Variants in CPE observed in about 807,000 individuals in gnomAD.
CPE encodes carboxypeptidase E, also known as carbocypeptidase E.
A neutral mutation model predicts 53.5 loss-of-function variants in CPE; 17 were observed. That is an observed-to-expected ratio of 0.32 (90% CI 0.22 to 0.48). The LOEUF (loss-of-function observed/expected upper bound fraction) is 0.48, where lower values mean the gene tolerates loss of function less well. CPE is among the 20% of genes least tolerant of loss of function. The pLI, the probability that CPE is intolerant of heterozygous loss-of-function variation, is 0.99. For missense variants in CPE, 524 were observed against 614.7 expected, an observed-to-expected ratio of 0.85 and a Z score of 1.56; for synonymous variants, 226 against 228.8, an observed-to-expected ratio of 0.99 and a Z score of 0.11.
At position 165,422,434 on chromosome 4, in the gene CPE, T is replaced by C. The variant is rs181535156; in HGVS notation, c.308-41956T>C. ...GAAAGCAGGAAAAGAATTAAAGTTATGGCATTATCTCTGAGTAACCCTTTG... is the reference window on the plus strand; with the variant it reads ...GAAAGCAGGAAAAGAATTAAAGTTACGGCATTATCTCTGAGTAACCCTTTG... On this transcript the variant is annotated intron_variant, in intron 1 of 8. Transcript: ENST00000402744. 5.9e-5 allele frequency among the ~76,000 whole-genome samples: 9 copies of C among 152,330 alleles called. No individual in the cohort carries two copies. The East Asian group carries it at 1.7e-3, about 29-fold the overall frequency.
chr4:165,444,345 T>C (rs532162010), intron 1 of CPE, among the ~76,000 whole-genome samples: 2 of 152,074 alleles, frequency 1.3e-5, no homozygotes, highest in African/African-American at 2.4e-5. Flanking sequence ...TGGCAACACA[T>C]TTGGGTTTGA....
intron 3 of CPE, among the ~76,000 whole-genome samples, chr4:165,476,319 C>T (rs778915582): frequency 1.6e-4 from 24 of 152,268 alleles, no homozygotes; most frequent in Middle Eastern, 3.4e-3. Context: ...CCCTTTTCCC[C>T]TGATTCTTCC....
intron 1 of CPE, among the ~76,000 whole-genome samples, chr4:165,402,449 T>C (rs948002051): frequency 1.1e-4 from 17 of 152,220 alleles, no homozygotes; most frequent in Non-Finnish European, 2.5e-4. Context: ...CATGCTGAAA[T>C]GTAATGCCCA....
chr4:165,396,430 G>A lies in CPE; in HGVS notation c.307+16902G>A, dbSNP rs146056538. Among the ~76,000 whole-genome samples, 349 of 152,252 alleles carry A rather than the reference G, an allele frequency of 2.3e-3. 3 individuals carry two copies. The East Asian group carries it at 0.039, about 17-fold the overall frequency. ...CCCAGCACTTTAGGAGGCCAAGGCA[G>A]GCAGGTCACTTGAGACCAGGAGTTC... is the stretch of plus-strand genomic sequence containing the variant. On this transcript the variant is annotated intron_variant, in intron 1 of 8. Coordinates refer to ENST00000402744, the MANE Select transcript of CPE (RefSeq NM_001873.4).
At chr4:165,403,669 CTTT>C (rs368667229) in intron 1 of CPE, among the ~76,000 whole-genome samples, 6 of 132,484 alleles carry the variant, frequency 4.5e-5, no homozygotes, top group Admixed American at 1.5e-4. Context: ...TAATTTCATT[CTTT>C]TTTTTTTTTT....
chr4:165,468,185 C>G (rs1266590218), intron 3 of CPE, among the ~76,000 whole-genome samples: 1 of 152,170 alleles, frequency 6.6e-6, no homozygotes, highest in Non-Finnish European at 1.5e-5. Flanking sequence ...CTCCTTTTCT[C>G]TTTTCCAGAA....
At chr4:165,470,339 C>G (rs1039514896) in intron 3 of CPE, among the ~76,000 whole-genome samples, 3 of 152,154 alleles carry the variant, frequency 2.0e-5, no homozygotes, top group African/African-American at 7.2e-5. Context: ...TGTCCACATG[C>G]ACAGTAGCCT....
At chr4:165,467,955 C>A in intron 3 of CPE, 100 bp downstream of exon 3, 1 of 1,315,732 alleles carries the variant, frequency 7.6e-7, no homozygotes, top group African/African-American at 1.5e-5. Context: ...AACATCACAG[C>A]TTGTATGGGG....
intron 1 of CPE, among the ~76,000 whole-genome samples, chr4:165,421,096 T>G (rs1321718170): frequency 6.6e-6 from 1 of 152,196 alleles, no homozygotes; most frequent in Non-Finnish European, 1.5e-5. Context: ...GGGCCTGCAT[T>G]GTAGTGGAAA....
At chr4:165,421,367 CTTAG>C (rs760164719) in intron 1 of CPE, among the ~76,000 whole-genome samples, 1 of 152,214 alleles carries the variant, frequency 6.6e-6, no homozygotes, top group Non-Finnish European at 1.5e-5. Flanking sequence ...GGGGCCAAAT[CTTAG>C]TTGGTATCTC....
intron 1 of CPE, among the ~76,000 whole-genome samples, chr4:165,397,615 C>A (rs984172217): frequency 6.6e-6 from 1 of 152,130 alleles, no homozygotes; most frequent in Non-Finnish European, 1.5e-5. Context: ...TCCTTTCTAC[C>A]ATCTTATCTT....
At chr4:165,415,409 C>T (rs1435211289) in intron 1 of CPE, among the ~76,000 whole-genome samples, 1 of 152,156 alleles carries the variant, frequency 6.6e-6, no homozygotes, top group Admixed American at 6.5e-5. Context: ...GAAACCAGCT[C>T]CTCCTGCTCA....
chr4:165,480,216 G>A (rs1053636736), intron 3 of CPE, among the ~76,000 whole-genome samples: 1 of 152,052 alleles, frequency 6.6e-6, no homozygotes, highest in African/African-American at 2.4e-5. Context: ...AGAGATGGAA[G>A]GTTTATTATA....
chr4:165,497,353 GA>G (rs1218731121), intron 8 of CPE, among the ~76,000 whole-genome samples, 158 bp from the exon 9 acceptor site: 1 of 152,068 alleles, frequency 6.6e-6, no homozygotes, highest in Non-Finnish European at 1.5e-5. Flanking sequence ...TTTTCCCCCT[GA>G]AAATATCTTT....
chr4:165,414,470 C>T (rs560423761), intron 1 of CPE, among the ~76,000 whole-genome samples: 14 of 152,078 alleles, frequency 9.2e-5, no homozygotes, highest in Admixed American at 7.9e-4. Context: ...AGTGTAGTTT[C>T]GAATGTAAGA....
At chr4:165,453,559 A>T (rs1038343539) in intron 1 of CPE, among the ~76,000 whole-genome samples, 3 of 151,478 alleles carry the variant, frequency 2.0e-5, no homozygotes, top group East Asian at 2.0e-4. Flanking sequence ...TAATTTTTAA[A>T]TTTTTTGTAG....
At chr4:165,387,974 T>C (rs1042866360) in intron 1 of CPE, among the ~76,000 whole-genome samples, 6 of 152,192 alleles carry the variant, frequency 3.9e-5, no homozygotes, top group Non-Finnish European at 8.8e-5. Flanking sequence ...GAAGGAACAA[T>C]AATTATCGCA....
intron 3 of CPE, among the ~76,000 whole-genome samples, chr4:165,476,817 C>T (rs1579279272): frequency 1.3e-5 from 2 of 152,292 alleles, no homozygotes; most frequent in Admixed American, 1.3e-4. Context: ...TTAAGCTTTC[C>T]TGCTTCTGAG....
At chr4:165,380,612 G>A (rs1288026032) in intron 1 of CPE, among the ~76,000 whole-genome samples, 1 of 152,122 alleles carries the variant, frequency 6.6e-6, no homozygotes, top group African/African-American at 2.4e-5. Context: ...AGAAAAGTAG[G>A]CTAAAAATTC....
Sources: allele counts gnomAD v4.1 joint callset (sites outside exome capture counted in the v4.1 genomes callset), GRCh38; gene constraint gnomAD v4.1.1; transcripts MANE v1.5; gene names NCBI Gene and HGNC (gene_info 2026-07-23, HGNC 2026-07-21).